The following TANGO6 variants were observed in gnomAD, a reference collection of about 807,000 sequenced individuals.
TANGO6 encodes the protein transport and Golgi organization protein 6 homolog.
Under a neutral mutation model 114.2 loss-of-function variants are expected in TANGO6, and 90 were observed. The observed-to-expected ratio is 0.79, with a 90% CI of 0.66 to 0.94. The LOEUF is 0.94. Among genes scored for constraint, TANGO6 ranks in the 40% least tolerant of loss-of-function variants. The probability of loss-of-function intolerance (pLI) is 0.00; values close to 1 mark genes in which losing one functional copy is unlikely to be tolerated. For synonymous variants in TANGO6, 477 were observed against 509.8 expected (o/e 0.94, Z 0.87); for missense variants, 1,274 against 1,315.3 (o/e 0.97, Z 0.49).
intron 17 of TANGO6, among the ~76,000 whole-genome samples, chr16:69,059,331 C>T (rs1271889973): frequency 6.6e-6 from 1 of 151,942 alleles, no homozygotes; most frequent in Admixed American, 6.6e-5. Flanking sequence ...CTTGGCCTCC[C>T]AAACTGCTGG....
At chr16:69,058,125 C>G (rs1250267488) in intron 17 of TANGO6, among the ~76,000 whole-genome samples, 2 of 152,100 alleles carry the variant, frequency 1.3e-5, no homozygotes. Flanking sequence ...GTTGCAAAAC[C>G]CATTTATCTT....
intron 15 of TANGO6, among the ~76,000 whole-genome samples, chr16:69,000,551 T>G (rs1446933018): frequency 1.3e-5 from 2 of 152,176 alleles, no homozygotes; most frequent in African/African-American, 4.8e-5. Context: ...TCTCCTCTTT[T>G]TTTCCTATAG....
intron 7 of TANGO6, among the ~76,000 whole-genome samples, chr16:68,883,830 T>C (rs1962498330): frequency 6.6e-6 from 1 of 152,168 alleles, no homozygotes; most frequent in Non-Finnish European, 1.5e-5. Flanking sequence ...AGGCAGATGC[T>C]TTTGTTTTGC....
chr16:68,907,335 T>C (rs1962866094), intron 9 of TANGO6, 108 bp from the exon 10 acceptor site: 1 of 1,179,580 alleles, frequency 8.5e-7, no homozygotes, highest in Admixed American at 2.8e-5. Context: ...ATCTTTTTAA[T>C]GGTTAACTGT....
chr16:69,009,103 C>T (rs529506142), intron 15 of TANGO6, among the ~76,000 whole-genome samples: 83 of 94,214 alleles, frequency 8.8e-4, no homozygotes, highest in African/African-American at 2.3e-3. Flanking sequence ...TTTTTTGAGA[C>T]GGAGTCTTGC....
Position 68,900,478 on chromosome 16 carries a change from C to T in TANGO6, c.1422C>T (p.Ser474=). ...GNEPLTVLMD[S]LLPVLGVLFL... ...AACCTTTAACAGTTTTGATGGATTC[C>T]CTGCTTCCAGTCCTGGGAGTGCTTT... Residue 474 remains serine (S), a synonymous_variant, in exon 8 of 18, where the codon TCC becomes TCT. Coordinates refer to ENST00000261778, the MANE Select transcript of TANGO6 (RefSeq NM_024562.2). 1 of 1,613,884 alleles carries T rather than the reference C, an allele frequency of 6.2e-7. No individual in the cohort carries two copies. Among genetic ancestry groups the T allele is most frequent in the Non-Finnish European group, 8.5e-7 (1 of 1,179,844 alleles).
chr16:68,985,152 C>T (rs1034200880), intron 15 of TANGO6, among the ~76,000 whole-genome samples: 2 of 151,922 alleles, frequency 1.3e-5, no homozygotes, highest in Admixed American at 6.6e-5. Flanking sequence ...GGATTACAGG[C>T]GTGAACTACC....
At chr16:68,957,395 CTATTT>C (rs1413136832) in intron 14 of TANGO6, among the ~76,000 whole-genome samples, 2 of 139,048 alleles carry the variant, frequency 1.4e-5, no homozygotes, top group Non-Finnish European at 3.1e-5. Flanking sequence ...AAGCATAACA[CTATTT>C]TTTTTTTTTT....
chr16:69,051,264 A>C (rs551630111), intron 17 of TANGO6, among the ~76,000 whole-genome samples: 3 of 152,192 alleles, frequency 2.0e-5, no homozygotes, highest in African/African-American at 7.2e-5. Flanking sequence ...CTTTCGGCTG[A>C]GCACGGTGGC....
chr16:68,893,774 A>AAGAAAAAAACAAAAAAAAAAAAAAAAAT (rs1491413467), intron 7 of TANGO6, among the ~76,000 whole-genome samples: 1 of 150,370 alleles, frequency 6.7e-6, no homozygotes, highest in African/African-American at 2.4e-5. Flanking sequence ...AAAAAAAAAA[A>AAGAAAAAAACAAAAAAAAAAAAAAAAAT]GGAAAAGAAA....
At chr16:68,917,444 T>C (rs1425468818) in intron 11 of TANGO6, among the ~76,000 whole-genome samples, 1 of 152,214 alleles carries the variant, frequency 6.6e-6, no homozygotes, top group Non-Finnish European at 1.5e-5. Context: ...CTAGACTGTA[T>C]GGTGAAAGTA....
intron 14 of TANGO6, among the ~76,000 whole-genome samples, chr16:68,961,972 A>G (rs1477271003): frequency 6.6e-6 from 1 of 152,130 alleles, no homozygotes; most frequent in East Asian, 1.9e-4. Context: ...TTTTTTCCTC[A>G]GGCCTAAGTA....
At chr16:69,001,012 G>T (rs955024361) in intron 15 of TANGO6, among the ~76,000 whole-genome samples, 7 of 152,156 alleles carry the variant, frequency 4.6e-5, no homozygotes, top group Non-Finnish European at 2.9e-5. Context: ...AATTTAAAAT[G>T]ATTCTTACAC....
At chr16:68,863,630 A>G (rs905625794) in intron 3 of TANGO6, among the ~76,000 whole-genome samples, 2 of 152,246 alleles carry the variant, frequency 1.3e-5, no homozygotes, top group Admixed American at 6.5e-5. Flanking sequence ...ACTTATGGCA[A>G]TTTTATGTGA....
intron 4 of TANGO6, among the ~76,000 whole-genome samples, chr16:68,869,932 T>A (rs1270754490): frequency 6.6e-6 from 1 of 151,838 alleles, no homozygotes; most frequent in Non-Finnish European, 1.5e-5. Flanking sequence ...GCGCAGTGAG[T>A]GGGGATGGTG....
At chr16:68,993,665 G>A (rs1963965159) in intron 15 of TANGO6, among the ~76,000 whole-genome samples, 1 of 152,124 alleles carries the variant, frequency 6.6e-6, no homozygotes, top group South Asian at 2.1e-4. Flanking sequence ...TCAATATTAC[G>A]AGGCTAACCA....
rs770332921 is a variant in TANGO6, at chr16:69,063,643, C to CAAAAAAAAAA, written c.3109-19824_3109-19815dup. Among the ~76,000 whole-genome samples the CAAAAAAAAAA allele has an allele frequency of 2.2e-4, 8 of 35,784 alleles. 1 individual carries two copies. Among genetic ancestry groups the CAAAAAAAAAA allele is most frequent in the Admixed American group, 7.6e-4 (2 of 2,646 alleles). 23.5% of individuals were successfully genotyped at this position (35,784 alleles called of 152,430 possible). Reference sequence around the variant, plus strand: ...AAAGGCTGCGGTGAGACTCCATCTCCAAAAAAAAAAAAAAAAAAAAAAAAA... The same window carrying CAAAAAAAAAA: ...AAAGGCTGCGGTGAGACTCCATCTCCAAAAAAAAAAAAAAAAAAAAAAAAAAAAAAAAAAA... On this transcript the variant is annotated intron_variant, in intron 17 of 17. Transcript: ENST00000261778.
At position 68,998,063 on chromosome 16, in the gene TANGO6, T is replaced by C. The variant is rs117085069; in HGVS notation, c.2842+23895T>C. On this transcript the variant is annotated intron_variant, in intron 15 of 17. Transcript: ENST00000261778. ...AAGAAAATGTTGAGTAGGCTTATCC[T>C]GCATTCCTACACAAAGAGTACAATG... Among the ~76,000 whole-genome samples, 11 of 152,334 alleles carry C rather than the reference T, an allele frequency of 7.2e-5. No individual in the cohort carries two copies. The East Asian group carries it at 2.1e-3, about 29-fold the overall frequency.
intron 16 of TANGO6, among the ~76,000 whole-genome samples, chr16:69,030,700 G>A (rs1360421996): frequency 1.3e-5 from 2 of 151,986 alleles, no homozygotes; most frequent in Non-Finnish European, 1.5e-5. Context: ...TACCATGGGT[G>A]CTGACACAAA....
Sources: allele counts gnomAD v4.1 joint callset (sites outside exome capture counted in the v4.1 genomes callset), GRCh38; gene constraint gnomAD v4.1.1; transcripts MANE v1.5; gene names NCBI Gene and HGNC (gene_info 2026-07-23, HGNC 2026-07-21).